UGGT1: variants seen among roughly 807,000 people sequenced by gnomAD.
The protein encoded by UGGT1 is UDP-glucose:glycoprotein glucosyltransferase 1.
Under a neutral mutation model 203.9 loss-of-function variants are expected in UGGT1, and 107 were observed. The ratio of observed to expected loss-of-function variants is 0.52; its 90% CI spans 0.45 to 0.62. The LOEUF (loss-of-function observed/expected upper bound fraction) is 0.62. UGGT1 is among the 20% of genes least tolerant of loss of function. UGGT1 has a pLI of 0.00. For missense variants in UGGT1, 1,673 were observed against 1,867.2 expected (o/e 0.90, Z 1.92); for synonymous variants, 628 against 653.5 (o/e 0.96, Z 0.59).
At chr2:128,129,688 T>C (rs1688784864) in intron 13 of UGGT1, among the ~76,000 whole-genome samples, 3 of 152,088 alleles carry the variant, frequency 2.0e-5, no homozygotes, top group South Asian at 4.2e-4. Context: ...CGTGAACCAG[T>C]GCGCCTGGCC....
chr2:128,183,937 T>TGTGTGTGTGTGA (rs151153786), intron 38 of UGGT1, 148 bp downstream of exon 38: 6,434 of 325,918 alleles, frequency 0.02, 66 homozygotes, highest in East Asian at 0.045. Context: ...TGTGTGTGTG[T>TGTGTGTGTGTGA]GAGAGAGAGA....
At chr2:128,177,482 AG>A (rs1691457708) in intron 32 of UGGT1, among the ~76,000 whole-genome samples, 2 of 151,976 alleles carry the variant, frequency 1.3e-5, no homozygotes, top group South Asian at 4.1e-4. Flanking sequence ...CAACAGCTAG[AG>A]CCCCCAGCAG....
chr2:128,148,373 C>T (rs1305582539), intron 18 of UGGT1, among the ~76,000 whole-genome samples: 6 of 152,186 alleles, frequency 3.9e-5, no homozygotes, highest in African/African-American at 7.2e-5. Flanking sequence ...CCACCATGCT[C>T]GGCCCTGAAC....
At position 128,152,439 on chromosome 2, in the gene UGGT1, A is replaced by G. The variant is rs559291640; in HGVS notation, c.2017-345A>G. Reference sequence around the variant, plus strand: ...CTCCCAAAGTGCTGGGATTACAGGCATGAGCCACCATTCCTGGCCTGGGTT... The same window carrying G: ...CTCCCAAAGTGCTGGGATTACAGGCGTGAGCCACCATTCCTGGCCTGGGTT... On this transcript the variant is annotated intron_variant, in intron 18 of 40. Coordinates refer to ENST00000259253, the MANE Select transcript of UGGT1 (RefSeq NM_020120.4). 2.0e-5 allele frequency among the ~76,000 whole-genome samples: 3 copies of G among 152,356 alleles called. No individual in the cohort carries two copies. The East Asian group carries it at 5.8e-4, about 29-fold the overall frequency.
rs966744909 is a variant in UGGT1, at chr2:128,194,878, C to T, written c.*5136C>T. The T allele has an allele frequency of 2.6e-5, 4 of 152,084 alleles. No homozygotes were observed. The South Asian group carries it at 8.3e-4, about 32-fold the overall frequency. The allele number at this position is 152,084 out of a possible 1,614,324, so 9.4% of individuals were successfully genotyped here. ...TTTCATTCTTTGGTCTTTCATTTCT[C>T]TATATACAGAAATGAAATGACACTT... On this transcript the variant is annotated 3_prime_UTR_variant, in exon 41 of 41. Coordinates refer to ENST00000259253, the MANE Select transcript of UGGT1 (RefSeq NM_020120.4).
Position 128,138,746 on chromosome 2 carries a change from C to G in UGGT1, c.1613C>G (p.Ser538Cys). Residue 538 changes from serine to cysteine, a missense_variant, in exon 16 of 41, where the codon TCT (serine) becomes TGT (cysteine). Physicochemically the swap from Ser to Cys is moderately radical, Grantham distance 112 (BLOSUM62 -1). This residue lies in a region of UGGT1 where 1,073 missense variants were observed against 1,078.7 expected (regional missense o/e 0.99). Coordinates refer to ENST00000259253, the MANE Select transcript of UGGT1 (RefSeq NM_020120.4). ...GGTTTTATCTTTGTGGTTAATGACTCTGAAGATGTTGATGGGATGCAAGAT... is the reference window on the plus strand; with the variant it reads ...GGTTTTATCTTTGTGGTTAATGACTGTGAAGATGTTGATGGGATGCAAGAT... ...RIGFIFVVND[S>C]EDVDGMQDAG... is the part of the protein sequence containing the mutation. 4 of 1,614,010 alleles carry G rather than the reference C, an allele frequency of 2.5e-6. No homozygotes were observed. Among genetic ancestry groups the G allele is most frequent in the Non-Finnish European group, 3.4e-6 (4 of 1,179,986 alleles).
chr2:128,157,152 G>A, intron 21 of UGGT1, 100 bp from the exon 22 acceptor site: 3 of 840,738 alleles, frequency 3.6e-6, no homozygotes, highest in Non-Finnish European at 5.9e-6. Flanking sequence ...CTTTTTGCAT[G>A]GTTCTTACAA....
chr2:128,150,558 CAT>C (rs35984797), intron 18 of UGGT1, among the ~76,000 whole-genome samples: 51,255 of 151,634 alleles, frequency 0.34, 10,258 homozygotes, highest in East Asian at 0.56. Flanking sequence ...AGACAACTAC[CAT>C]GTGTGTGTGT....
intron 6 of UGGT1, among the ~76,000 whole-genome samples, chr2:128,114,810 TGTAAA>T (rs1231676023): frequency 6.6e-6 from 1 of 152,162 alleles, no homozygotes; most frequent in Non-Finnish European, 1.5e-5. Flanking sequence ...GCCTACAACA[TGTAAA>T]GGAGCCTAGG....
At chr2:128,171,433 C>G (rs980933126) in intron 28 of UGGT1, 149 bp downstream of exon 28, 1 of 728,440 alleles carries the variant, frequency 1.4e-6, no homozygotes, top group Non-Finnish European at 2.2e-6. Flanking sequence ...AAATTTCATT[C>G]TAATCAGAAG....
intron 1 of UGGT1, among the ~76,000 whole-genome samples, chr2:128,095,064 C>A (rs1687049225): frequency 6.6e-6 from 1 of 151,990 alleles, no homozygotes; most frequent in Non-Finnish European, 1.5e-5. Flanking sequence ...CAAGAGAATT[C>A]TTAAGTTGTA....
chr2:128,103,274 TA>T (rs1687464065), intron 2 of UGGT1: 2 of 280,282 alleles, frequency 7.1e-6, no homozygotes, highest in Admixed American at 9.7e-5. Context: ...CATTTCCTCG[TA>T]GGGGTTTTAG....
chr2:128,127,667 G>A (rs1256737008), intron 12 of UGGT1, among the ~76,000 whole-genome samples: 2 of 152,194 alleles, frequency 1.3e-5, no homozygotes, highest in African/African-American at 4.8e-5. Flanking sequence ...CAAGGCCTGA[G>A]TGTTTTCTGA....
At chr2:128,124,836 G>A (rs985277889) in intron 11 of UGGT1, among the ~76,000 whole-genome samples, 2 of 152,000 alleles carry the variant, frequency 1.3e-5, no homozygotes, top group East Asian at 3.9e-4. Flanking sequence ...TGTGTTTTCT[G>A]TCTGCAAAGT....
intron 3 of UGGT1, among the ~76,000 whole-genome samples, chr2:128,105,065 C>T (rs11885158): frequency 0.89 from 134,658 of 151,146 alleles, 60,945 homozygotes; most frequent in Non-Finnish European, 0.98. Context: ...TTTAATACAA[C>T]GGAGATGAGG....
chr2:128,116,611 A>T (rs949230114), intron 8 of UGGT1, among the ~76,000 whole-genome samples: 1 of 151,936 alleles, frequency 6.6e-6, no homozygotes, highest in African/African-American at 2.4e-5. Flanking sequence ...TGCAACCTCC[A>T]CTTTCCACGT....
chr2:128,143,074 A>C lies in UGGT1; in HGVS notation c.1720-20A>C. On this transcript the variant is annotated intron_variant, in intron 16 of 40. Transcript: ENST00000259253. ...TTGAACTTAAAAGTGTAGTTAACCA[A>C]CTGTTTTTTCTTTCTTCAGATCTAT... 6.4e-7 allele frequency: 1 copy of C among 1,572,362 alleles called. No homozygotes were observed. The highest frequency in any genetic ancestry group is 8.6e-7 in the Non-Finnish European group (1 of 1,162,056).
At chr2:128,111,636 C>G (rs940191251) in intron 5 of UGGT1, among the ~76,000 whole-genome samples, 1 of 151,884 alleles carries the variant, frequency 6.6e-6, no homozygotes, top group Non-Finnish European at 1.5e-5. Context: ...CTCCCAAGTA[C>G]AGGCACCCAC....
Position 128,152,873 on chromosome 2 carries a change from T to C in UGGT1, c.2106T>C (p.Ala702=). 2 of 1,614,100 alleles carry C rather than the reference T, an allele frequency of 1.2e-6. No homozygotes were observed. The highest frequency in any genetic ancestry group is 1.7e-6 in the Non-Finnish European group (2 of 1,180,000). Residue 702 remains alanine (A), a synonymous_variant, in exon 19 of 41, where the codon GCT becomes GCC. Coordinates refer to ENST00000259253, the MANE Select transcript of UGGT1 (RefSeq NM_020120.4). ...VPRINSRILT[A]ERDYLDLTAS... ...GAATCAATTCTAGGATTTTGACAGC[T>C]GAACGAGACTACCTGGATTTAACAG...
Sources: gnomAD v4.1 joint callset for allele counts (sites outside exome capture counted in the v4.1 genomes callset) on GRCh38, gnomAD v4.1.1 for gene constraint, gnomAD v4.1.1 regional missense constraint, MANE v1.5 for transcripts, NCBI Gene and HGNC (gene_info 2026-07-23, HGNC 2026-07-21) for gene names.